The following CHRNB1 variants were observed in gnomAD, a reference collection of about 807,000 sequenced individuals.
The protein encoded by CHRNB1 is cholinergic receptor nicotinic beta 1 subunit.
A neutral mutation model predicts 53.8 loss-of-function variants in CHRNB1; 47 were observed. That is an observed-to-expected ratio of 0.87 (90% CI 0.69 to 1.11). CHRNB1 has a LOEUF of 1.11. Among genes scored for constraint, CHRNB1 ranks in the 50% most tolerant of loss-of-function variants. The pLI is 0.00. For synonymous variants in CHRNB1, 259 were observed against 263.5 expected, an observed-to-expected ratio of 0.98 and a Z score of 0.16; for missense variants, 605 against 654.9, an observed-to-expected ratio of 0.92 and a Z score of 0.83.
chr17:7,456,438 G>T (rs9901900), intron 10 of CHRNB1, 145 bp from the exon 11 acceptor site: 1 of 958,754 alleles, frequency 1.0e-6, no homozygotes, highest in East Asian at 2.4e-5. Context: ...TGCATTGCCT[G>T]CAGTCTCGCT....
rs565845217 is a variant in CHRNB1, at chr17:7,455,815, C to T, written c.1239C>T (p.Ala413=). The T allele has an allele frequency of 1.2e-6, 2 of 1,614,130 alleles. No individual in the cohort carries two copies. Among genetic ancestry groups the T allele is most frequent in the South Asian group, 2.2e-5 (2 of 91,082 alleles). The part of the protein sequence containing the change: ...KPNRFQPELS[A]PDLRRFIDGP... ...CCAGGTTCCAGCCTGAACTGTCTGC[C>T]CCTGATCTGCGGCGATTTATCGATG... The change falls in exon 10 of 11, where the codon GCC becomes GCT. Residue 413 remains alanine, a synonymous_variant. Coordinates refer to ENST00000306071, the MANE Select transcript of CHRNB1 (RefSeq NM_000747.3).
chr17:7,445,852 G>A lies in CHRNB1; in HGVS notation c.199-217G>A. 1.6e-6 allele frequency: 1 copy of A among 632,026 alleles called. No homozygotes were observed. Among genetic ancestry groups the A allele is most frequent in the East Asian group, 2.7e-5 (1 of 36,676 alleles). The allele number at this position is 632,026 out of a possible 1,614,324, so 39.2% of individuals were successfully genotyped here. A position where few individuals can be genotyped will look rare whatever the true frequency, so the allele number is the denominator to read the frequency against. Reference sequence around the variant, plus strand: ...GGAGGGCTAGGCAGGGGCGGGTCTGGTAGGTTGATAGGCTGGGAGTGTAGA... The same window carrying A: ...GGAGGGCTAGGCAGGGGCGGGTCTGATAGGTTGATAGGCTGGGAGTGTAGA... On this transcript the variant is annotated intron_variant, in intron 2 of 10. Coordinates refer to ENST00000306071, the MANE Select transcript of CHRNB1 (RefSeq NM_000747.3). This position sits in a 1 kb window ranked among gnomAD's most constrained non-coding sequence, Gnocchi z 5.7.
intron 6 of CHRNB1, among the ~76,000 whole-genome samples, chr17:7,448,277 T>C (rs1908739422): frequency 6.6e-6 from 1 of 151,372 alleles, no homozygotes; most frequent in African/African-American, 2.4e-5. Flanking sequence ...TCCCAGCTAC[T>C]TGGGAGGCTG....
chr17:7,455,585 C>G, intron 9 of CHRNB1, 129 bp downstream of exon 9: 1 of 1,282,836 alleles, frequency 7.8e-7, no homozygotes, highest in Non-Finnish European at 1.1e-6. Flanking sequence ...TGTAGTACTC[C>G]TGCTGCTCAC....
rs903791978 is a variant in CHRNB1, at chr17:7,445,821, C to G, written c.199-248C>G. 1.1e-5 allele frequency: 7 copies of G among 621,504 alleles called. No individual in the cohort carries two copies. Among genetic ancestry groups the G allele is most frequent in the Non-Finnish European group, 2.0e-5 (7 of 354,670 alleles). 38.5% of individuals were successfully genotyped at this position (621,504 alleles called of 1,614,324 possible). ...GCTGAAGGCAGGGCCGGGGACAGAG[C>G]TAGGCGGAGGGCTAGGCAGGGGCGG... On this transcript the variant is annotated intron_variant, in intron 2 of 10. Coordinates refer to ENST00000306071, the MANE Select transcript of CHRNB1 (RefSeq NM_000747.3). This position sits in a 1 kb window ranked among gnomAD's most constrained non-coding sequence, Gnocchi z 5.7.
intron 10 of CHRNB1, among the ~76,000 whole-genome samples, chr17:7,456,192 G>A (rs924684903): frequency 2.0e-5 from 3 of 151,584 alleles, no homozygotes; most frequent in African/African-American, 7.3e-5. Flanking sequence ...TAGCTGGGAC[G>A]ACAGGGGCGC....
intron 5 of CHRNB1, 109 bp from the exon 6 acceptor site, chr17:7,447,394 T>C: frequency 1.5e-6 from 2 of 1,319,388 alleles, no homozygotes; most frequent in Non-Finnish European, 2.2e-6. Flanking sequence ...TTCATAACCC[T>C]CCAATTCCTC....
Position 7,456,668 on chromosome 17 carries a change from T to C in CHRNB1, c.1451T>C (p.Leu484Pro), listed in dbSNP as rs1248048338. 10 of 1,614,042 alleles carry C rather than the reference T, an allele frequency of 6.2e-6. No individual in the cohort carries two copies. Among genetic ancestry groups the C allele is most frequent in the Non-Finnish European group, 8.5e-6 (10 of 1,180,038 alleles). ...ATCATCTTCACCAGCGTTGGGACCC[T>C]AGTCATCTTCCTGGACGCCACGTAC... ...TFIIFTSVGT[L>P]VIFLDATYHL... Residue 484 changes from leucine (L) to proline (P), a missense_variant, in exon 11 of 11, where the codon CTA (leucine) becomes CCA (proline). Physicochemically the swap from Leu to Pro is moderately conservative, Grantham distance 98. Coordinates refer to ENST00000306071, the MANE Select transcript of CHRNB1 (RefSeq NM_000747.3).
Position 7,450,248 on chromosome 17 carries a change from A to G in CHRNB1, c.820+1460A>G, listed in dbSNP as rs553427444. 5.4e-4 allele frequency among the ~76,000 whole-genome samples: 81 copies of G among 151,056 alleles called. 1 individual carries two copies. The South Asian group carries it at 5.4e-3, about 10-fold the overall frequency. On this transcript the variant is annotated intron_variant, in intron 7 of 10. Transcript: ENST00000306071. ...AACCTCCACCTCCTGGGTTCAAGCGATTCTCCTGCTTCAGCCTCCTGAGTA... is the reference window on the plus strand; with the variant it reads ...AACCTCCACCTCCTGGGTTCAAGCGGTTCTCCTGCTTCAGCCTCCTGAGTA...
intron 7 of CHRNB1, among the ~76,000 whole-genome samples, chr17:7,450,432 C>T (rs557275984): frequency 8.7e-4 from 133 of 152,216 alleles, no homozygotes; most frequent in African/African-American, 3.1e-3. Context: ...CATCAGCCAC[C>T]ACACCTGGCC....
chr17:7,447,516 C>G lies in CHRNB1; in HGVS notation c.476C>G (p.Pro159Arg), dbSNP rs1380345187. Residue 159 changes from proline to arginine, a missense_variant, in exon 6 of 11, where the codon CCC becomes CGC. Pro to Arg is a moderately radical substitution (Grantham distance 103, BLOSUM62 -2). Coordinates refer to ENST00000306071, the MANE Select transcript of CHRNB1 (RefSeq NM_000747.3). Reference protein sequence around the residue: ...SSCSIQVTYFPFDWQNCTMVF... With the variant: ...SSCSIQVTYFRFDWQNCTMVF... Reference sequence around the variant, plus strand: ...TCCTCCATCCAGGTCACCTACTTCCCCTTCGACTGGCAGAATTGCACTATG... The same window carrying G: ...TCCTCCATCCAGGTCACCTACTTCCGCTTCGACTGGCAGAATTGCACTATG... 6.2e-7 allele frequency: 1 copy of G among 1,614,170 alleles called. No homozygotes were observed. The highest frequency in any genetic ancestry group is 8.5e-7 in the Non-Finnish European group (1 of 1,180,028).
chr17:7,455,268 C>T lies in CHRNB1; in HGVS notation c.1045-16C>T, dbSNP rs374308530. 6.2e-7 allele frequency: 1 copy of T among 1,613,954 alleles called. No homozygotes were observed. Among genetic ancestry groups the T allele is most frequent in the Non-Finnish European group, 8.5e-7 (1 of 1,179,908 alleles). ...AGCATGAAAGCCCCCACCAATACGCCTCTTCTACTCTGCAGATCTTCATTC... is the reference window on the plus strand; with the variant it reads ...AGCATGAAAGCCCCCACCAATACGCTTCTTCTACTCTGCAGATCTTCATTC... On this transcript the variant is annotated splice_polypyrimidine_tract_variant and intron_variant, in intron 8 of 10. Transcript: ENST00000306071.
chr17:7,451,279 T>TTTTCTTTTCTTTTC (rs1481344434), intron 7 of CHRNB1, among the ~76,000 whole-genome samples: 1 of 136,828 alleles, frequency 7.3e-6, no homozygotes, highest in Non-Finnish European at 1.6e-5. Context: ...CTTTTCTTTT[T>TTTTCTTTTCTTTTC]TTTTTTTTTT....
chr17:7,454,216 T>C, intron 7 of CHRNB1, 81 bp from the exon 8 acceptor site: 1 of 1,209,872 alleles, frequency 8.3e-7, no homozygotes, highest in Non-Finnish European at 1.2e-6. Flanking sequence ...TTGAATGGCC[T>C]GGAAACATGG....
In CHRNB1 at chr17:7,445,714, A is replaced by G; in HGVS notation, c.198+305A>G. The G allele has an allele frequency of 1.0e-5, 10 of 995,314 alleles. No homozygotes were observed. Among genetic ancestry groups the G allele is most frequent in the Non-Finnish European group, 1.4e-5 (10 of 703,022 alleles). The allele number at this position is 995,314 out of a possible 1,614,324, so 61.7% of individuals were successfully genotyped here. On this transcript the variant is annotated intron_variant, in intron 2 of 10. Transcript: ENST00000306071. This position sits in a 1 kb window ranked among gnomAD's most constrained non-coding sequence, Gnocchi z 5.7. ...TCGACGTAGGGCCACATGAGTCCTG[A>G]GTGCCCAGGGTGGGGCGGAGCTTGG...
Position 7,456,663 on chromosome 17 carries a change from G to C in CHRNB1, c.1446G>C (p.Gly482=), listed in dbSNP as rs374554803. 5 of 1,614,004 alleles carry C rather than the reference G, an allele frequency of 3.1e-6. No homozygotes were observed. Among genetic ancestry groups the C allele is most frequent in the Non-Finnish European group, 4.2e-6 (5 of 1,180,052 alleles). ...CTTTCATCATCTTCACCAGCGTTGGGACCCTAGTCATCTTCCTGGACGCCA... is the reference window on the plus strand; with the variant it reads ...CTTTCATCATCTTCACCAGCGTTGGCACCCTAGTCATCTTCCTGGACGCCA... ...LWTFIIFTSV[G]TLVIFLDATY... Residue 482 remains glycine, a synonymous_variant, in exon 11 of 11, where the codon GGG becomes GGC. Transcript: ENST00000306071.
chr17:7,451,416 G>T (rs758696031), intron 7 of CHRNB1, among the ~76,000 whole-genome samples: 1 of 151,558 alleles, frequency 6.6e-6, no homozygotes, highest in African/African-American at 2.4e-5. Flanking sequence ...CGGTAGCCGG[G>T]ATTACAGACA....
At position 7,455,349 on chromosome 17, in the gene CHRNB1, G is replaced by A. The variant is rs759408729; in HGVS notation, c.1110G>A (p.Met370Ile). 1.9e-6 allele frequency: 3 copies of A among 1,614,152 alleles called. No homozygotes were observed. The highest frequency in any genetic ancestry group is 1.7e-5 in the Admixed American group (1 of 60,012). Reference protein sequence around the residue: ...LKRPKPERDLMPEPPHCSSPG... With the variant: ...LKRPKPERDLIPEPPHCSSPG... ...GGCCCAAACCCGAGAGAGACCTGAT[G>A]CCGGAGCCCCCTCACTGTTCTTCTC... Residue 370 changes from methionine (M) to isoleucine (I), a missense_variant, in exon 9 of 11, where the codon ATG becomes ATA. By Grantham distance (10) the Met-to-Ile change is conservative. Transcript: ENST00000306071.
At chr17:7,456,049 CTTTT>C (rs528936191) in intron 10 of CHRNB1, 108 bp downstream of exon 10, 525 of 527,934 alleles carry the variant, frequency 9.9e-4, no homozygotes, top group East Asian at 5.7e-3. Context: ...TTTTTTTTGG[CTTTT>C]TTTTTTTTTT....
Sources: gnomAD v4.1 joint callset for allele counts (sites outside exome capture counted in the v4.1 genomes callset) on GRCh38, gnomAD v4.1.1 for gene constraint, Gnocchi (gnomAD v3.1) non-coding constraint, MANE v1.5 for transcripts, NCBI Gene and HGNC (gene_info 2026-07-23, HGNC 2026-07-21) for gene names.